Variants in MTREX observed in about 807,000 individuals in gnomAD.
The protein encoded by MTREX is exosome RNA helicase MTR4.
A neutral mutation model predicts 135.4 loss-of-function variants in MTREX; 76 were observed. The ratio of observed to expected loss-of-function variants is 0.56; its 90% CI spans 0.47 to 0.68. The LOEUF (loss-of-function observed/expected upper bound fraction) is 0.68. Ranked by LOEUF, MTREX falls within the 30% of genes least tolerant of loss-of-function variation. The probability of loss-of-function intolerance (pLI) is 0.00; values close to 1 mark genes in which losing one functional copy is unlikely to be tolerated. For synonymous variants in MTREX, 404 were observed against 401.6 expected, an observed-to-expected ratio of 1.01 and a Z score of -0.07; for missense variants, 920 against 1,262.1, an observed-to-expected ratio of 0.73 and a Z score of 4.11.
intron 15 of MTREX, 90 bp downstream of exon 15, chr5:55,358,788 C>G: frequency 9.1e-7 from 1 of 1,103,162 alleles, no homozygotes. Flanking sequence ...AGTCAGACAC[C>G]TAAGTGAAAT....
At chr5:55,412,781 G>A (rs759230647) in intron 23 of MTREX, among the ~76,000 whole-genome samples, 47 of 152,304 alleles carry the variant, frequency 3.1e-4, no homozygotes, top group Non-Finnish European at 6.2e-4. Flanking sequence ...AATGTGATGA[G>A]TAGCTGTTGA....
chr5:55,419,949 GGAT>G (rs1222133173), intron 25 of MTREX, among the ~76,000 whole-genome samples: 1 of 152,030 alleles, frequency 6.6e-6, no homozygotes, highest in Non-Finnish European at 1.5e-5. Flanking sequence ...GTTTTCCAGT[GGAT>G]TTGTCTTTTA....
At chr5:55,382,104 A>G (rs951493423) in intron 18 of MTREX, among the ~76,000 whole-genome samples, 3 of 152,068 alleles carry the variant, frequency 2.0e-5, no homozygotes, top group Admixed American at 6.6e-5. Context: ...TTTTAATCCA[A>G]TCTGAAAATC....
Position 55,340,808 on chromosome 5 carries a change from C to G in MTREX, c.690+624C>G, listed in dbSNP as rs140644066. The stretch of plus-strand genomic sequence containing the variant: ...GTGTTAGCCAGTATGGTCTCTATCT[C>G]CTGACCTCATGATCTGCCTGCCTCA... On this transcript the variant is annotated intron_variant, in intron 6 of 26. Transcript: ENST00000230640. 8.1e-3 allele frequency among the ~76,000 whole-genome samples: 1,240 copies of G among 152,200 alleles called. 8 individuals carry two copies. The highest frequency in any genetic ancestry group is 0.029 in the South Asian group (138 of 4,820).
At chr5:55,399,773 C>A (rs1750696376) in intron 20 of MTREX, among the ~76,000 whole-genome samples, 1 of 152,190 alleles carries the variant, frequency 6.6e-6, no homozygotes, top group Non-Finnish European at 1.5e-5. Context: ...AGGCGTGAGC[C>A]ACCGCGCCTG....
At chr5:55,406,758 C>T (rs1048723651) in intron 22 of MTREX, among the ~76,000 whole-genome samples, 1 of 152,178 alleles carries the variant, frequency 6.6e-6, no homozygotes, top group Non-Finnish European at 1.5e-5. Flanking sequence ...TAATTTATAT[C>T]ATTTTAATTG....
intron 18 of MTREX, among the ~76,000 whole-genome samples, chr5:55,385,115 C>T (rs1579885203): frequency 6.6e-6 from 1 of 152,148 alleles, no homozygotes; most frequent in African/African-American, 2.4e-5. Context: ...TATTTCTTCA[C>T]CCAGGCAAAG....
intron 22 of MTREX, among the ~76,000 whole-genome samples, chr5:55,408,303 C>T (rs994797311): frequency 6.6e-6 from 1 of 152,130 alleles, no homozygotes; most frequent in African/African-American, 2.4e-5. Context: ...GTTTTAGGCT[C>T]CTCACCTTTT....
intron 3 of MTREX, among the ~76,000 whole-genome samples, chr5:55,325,524 A>G (rs1283691059): frequency 7.2e-6 from 1 of 138,414 alleles, no homozygotes; most frequent in Admixed American, 7.2e-5. Flanking sequence ...TTTTTTTTTT[A>G]TTTTTAGTAG....
Position 55,425,557 on chromosome 5 carries a change from A to G in MTREX, c.*785A>G, listed in dbSNP as rs905648505. The G allele has an allele frequency of 8.4e-6, 4 of 476,502 alleles. No homozygotes were observed. Among genetic ancestry groups the G allele is most frequent in the Non-Finnish European group, 1.4e-5 (4 of 281,106 alleles). The allele number at this position is 476,502 out of a possible 1,614,324, so 29.5% of individuals were successfully genotyped here. ...CAGCAAATAGCTTCATTTTGCCAATACTGAATAAAAGAGTTATTTCTACAT... is the reference window on the plus strand; with the variant it reads ...CAGCAAATAGCTTCATTTTGCCAATGCTGAATAAAAGAGTTATTTCTACAT... On this transcript the variant is annotated 3_prime_UTR_variant, in exon 27 of 27. Coordinates refer to ENST00000230640, the MANE Select transcript of MTREX (RefSeq NM_015360.5).
intron 16 of MTREX, among the ~76,000 whole-genome samples, chr5:55,369,335 G>A (rs960781311): frequency 2.0e-5 from 3 of 152,110 alleles, no homozygotes; most frequent in Non-Finnish European, 4.4e-5. Context: ...TAAGCAGTTA[G>A]CACAGTCATG....
At chr5:55,362,355 T>G (rs1270460569) in intron 15 of MTREX, among the ~76,000 whole-genome samples, 1 of 151,352 alleles carries the variant, frequency 6.6e-6, no homozygotes, top group Non-Finnish European at 1.5e-5. Flanking sequence ...TTTTTGTTTT[T>G]TTTGTTTGTT....
intron 23 of MTREX, among the ~76,000 whole-genome samples, chr5:55,412,459 T>A (rs1321774797): frequency 6.6e-6 from 1 of 152,180 alleles, no homozygotes; most frequent in East Asian, 1.9e-4. Flanking sequence ...GCAGCAGAAA[T>A]GTTTGCTTTC....
At chr5:55,402,752 C>A (rs183055778) in intron 21 of MTREX, among the ~76,000 whole-genome samples, 5 of 150,994 alleles carry the variant, frequency 3.3e-5, no homozygotes, top group African/African-American at 9.7e-5. Flanking sequence ...TTTCCTGCCC[C>A]CTCCCCATCA....
At chr5:55,414,898 C>T (rs1359251546) in intron 24 of MTREX, among the ~76,000 whole-genome samples, 1 of 152,146 alleles carries the variant, frequency 6.6e-6, no homozygotes, top group East Asian at 1.9e-4. Context: ...GATCCTCCCA[C>T]CTCGGCCTCC....
rs370818414 is a variant in MTREX, at chr5:55,350,927, T to A, written c.1329T>A (p.His443Gln). ...DEDKKLPQVE[H>Q]VLPLLKRGIG... is the part of the protein sequence containing the mutation. The stretch of plus-strand genomic sequence containing the variant: ...TTATTCCAAAATCACAGGTAGAACA[T>A]GTACTTCCTCTTTTGAAGAGGGGAA... Residue 443 changes from histidine to glutamine, a missense_variant, in exon 13 of 27, where the codon CAT becomes CAA. By Grantham distance (24) the His-to-Gln change is conservative. This residue lies in a region of MTREX where 101 missense variants were observed against 119.1 expected (regional missense o/e 0.85). Coordinates refer to ENST00000230640, the MANE Select transcript of MTREX (RefSeq NM_015360.5). 3.1e-6 allele frequency: 5 copies of A among 1,597,782 alleles called. No homozygotes were observed. Among genetic ancestry groups the A allele is most frequent in the Non-Finnish European group, 3.4e-6 (4 of 1,174,852 alleles).
At chr5:55,332,320 C>A (rs894424098) in intron 5 of MTREX, among the ~76,000 whole-genome samples, 1 of 152,158 alleles carries the variant, frequency 6.6e-6, no homozygotes, top group Non-Finnish European at 1.5e-5. Flanking sequence ...ACATATTTCT[C>A]TATGACCTTT....
At chr5:55,341,218 G>A (rs1749643614) in intron 6 of MTREX, among the ~76,000 whole-genome samples, 1 of 152,150 alleles carries the variant, frequency 6.6e-6, no homozygotes. Flanking sequence ...TTGCCAGGAA[G>A]TATCCATGTT....
At chr5:55,405,325 A>G (rs1375488268) in intron 21 of MTREX, 100 bp from the exon 22 acceptor site, 2 of 1,028,710 alleles carry the variant, frequency 1.9e-6, no homozygotes, top group African/African-American at 3.2e-5. Context: ...ATACTGTAAG[A>G]TGTTCTTTAA....
Sources: allele counts gnomAD v4.1 joint callset (sites outside exome capture counted in the v4.1 genomes callset), GRCh38; gene constraint gnomAD v4.1.1; regional missense constraint gnomAD v4.1.1; transcripts MANE v1.5; gene names NCBI Gene and HGNC (gene_info 2026-07-23, HGNC 2026-07-21).